MICALL2: variants seen among roughly 807,000 people sequenced by gnomAD.
MICALL2 encodes the protein MICAL-like protein 2.
MICALL2 carries 111 observed loss-of-function variants against 91.1 expected under a neutral mutation model. The ratio of observed to expected loss-of-function variants is 1.22; its 90% CI spans 1.04 to 1.43. The LOEUF is 1.43. Ranked by LOEUF, MICALL2 falls within the 40% of genes most tolerant of loss-of-function variation. MICALL2 has a pLI of 0.00. For synonymous variants in MICALL2, 694 were observed against 525.3 expected, an observed-to-expected ratio of 1.32 and a Z score of -4.39; for missense variants, 1,556 against 1,236.0, an observed-to-expected ratio of 1.26 and a Z score of -3.88.
rs114013190 is a variant in MICALL2, at chr7:1,435,581, C to T, written c.2592-434G>A. Reference sequence around the variant, plus strand: ...TGACCTGGGACAGAAGGGCCTCGGCCGACCCATGCCAAGGCCCCGTCACGC... The same window carrying T: ...TGACCTGGGACAGAAGGGCCTCGGCTGACCCATGCCAAGGCCCCGTCACGC... On this transcript the variant is annotated intron_variant, in intron 15 of 16. Transcript: ENST00000297508. Among the ~76,000 whole-genome samples the T allele has an allele frequency of 5.1e-3, 784 of 152,320 alleles. 5 individuals carry two copies. The highest frequency in any genetic ancestry group is 0.018 in the African/African-American group (746 of 41,560).
chr7:1,439,445 C>CA (rs1455433494), intron 9 of MICALL2: 8 of 180,608 alleles, frequency 4.4e-5, no homozygotes, highest in African/African-American at 2.2e-4. Flanking sequence ...CACATGGACA[C>CA]ACATGCATCG....
chr7:1,455,145 C>T (rs1562469947), intron 1 of MICALL2, among the ~76,000 whole-genome samples: 1 of 152,248 alleles, frequency 6.6e-6, no homozygotes, highest in Non-Finnish European at 1.5e-5. Context: ...CCTGCTCCCT[C>T]CCAGCCCAGA....
chr7:1,438,709 C>T (rs1320561285), intron 10 of MICALL2, 131 bp downstream of exon 10: 1 of 1,487,274 alleles, frequency 6.7e-7, no homozygotes, highest in African/African-American at 1.4e-5. Context: ...GGGGCTGGGT[C>T]CTTCCTCCAG....
rs768308868 is a variant in MICALL2, at chr7:1,434,653, G to A, written c.2658C>T (p.Ser886=). The part of the protein sequence containing the change: ...IEKLGLQRKK[S]KFRLSKIWSP... ...ACCAGATCTTGGACAAGCGGAACTT[G>A]GACTTCTTCCTCTGGAGGCCTAGGG... The change falls in exon 17 of 17, where the codon TCC becomes TCT. Residue 886 remains serine, a synonymous_variant. Transcript: ENST00000297508. 3.2e-6 allele frequency: 5 copies of A among 1,567,216 alleles called. No homozygotes were observed. The African/African-American group carries it at 5.5e-5, about 17-fold the overall frequency.
chr7:1,448,699 C>T lies in MICALL2; in HGVS notation c.255G>A (p.Val85=), dbSNP rs1002572153. The change falls in exon 3 of 17, where the codon GTG becomes GTA. Residue 85 remains valine (V), a synonymous_variant. Transcript: ENST00000297508. The part of the protein sequence containing the change: ...IPALLDAEDM[V]ALKVPDRLSI... ...TCAGCCGGTCAGGCACCTTCAAGGCCACCATGTCCTCGGCATCCAGCAAGG... is the reference window on the plus strand; with the variant it reads ...TCAGCCGGTCAGGCACCTTCAAGGCTACCATGTCCTCGGCATCCAGCAAGG... 6.2e-7 allele frequency: 1 copy of T among 1,612,820 alleles called. No individual in the cohort carries two copies. Among genetic ancestry groups the T allele is most frequent in the Non-Finnish European group, 8.5e-7 (1 of 1,179,950 alleles).
intron 6 of MICALL2, among the ~76,000 whole-genome samples, 195 bp downstream of exon 6, chr7:1,444,457 C>T (rs1438599851): frequency 4.4e-4 from 67 of 152,234 alleles, no homozygotes; most frequent in Non-Finnish European, 1.5e-5. Flanking sequence ...CCGGCTTCCA[C>T]CACCCTGACC....
At chr7:1,447,411 A>G (rs1295542547) in intron 4 of MICALL2, among the ~76,000 whole-genome samples, 164 bp downstream of exon 4, 1 of 152,092 alleles carries the variant, frequency 6.6e-6, no homozygotes, top group African/African-American at 2.4e-5. Flanking sequence ...AGCCCTGGAG[A>G]GCCCGGTCCT....
chr7:1,447,582 G>T lies in MICALL2; in HGVS notation c.518C>A (p.Pro173His), dbSNP rs770993287. Residue 173 changes from proline to histidine, a missense_variant, in exon 4 of 17, where the codon CCC (proline) becomes CAC (histidine). By Grantham distance (77) the Pro-to-His change is moderately conservative (BLOSUM62 -2). Coordinates refer to ENST00000297508, the MANE Select transcript of MICALL2 (RefSeq NM_182924.4). ...GGTGGGGTGGGAGCTTACAGTCTTG[G>T]GGGGCGGGCCCCCTGCACCCTCATT... Reference protein sequence around the residue: ...RRNEGAGGPPPKTDQALAGSL... With the variant: ...RRNEGAGGPPHKTDQALAGSL... 1.2e-5 allele frequency: 18 copies of T among 1,562,656 alleles called. No individual in the cohort carries two copies. The highest frequency in any genetic ancestry group is 2.4e-5 in the South Asian group (2 of 84,036).
At chr7:1,435,252 C>T in intron 15 of MICALL2, 105 bp from the exon 16 acceptor site, 1 of 1,177,350 alleles carries the variant, frequency 8.5e-7, no homozygotes, top group Non-Finnish European at 1.3e-6. Context: ...TGAGTCCCGC[C>T]TGGACCCATG....
At chr7:1,457,053 G>A (rs6963362) in intron 1 of MICALL2, among the ~76,000 whole-genome samples, 6,154 of 152,204 alleles carry the variant, frequency 0.04, 423 homozygotes, top group African/African-American at 0.14. Context: ...GGAGGTTCTC[G>A]GGGAGGGTCC....
rs369667601 is a variant in MICALL2, at chr7:1,442,152, C to A, written c.1711+40G>T. ...CGGCCAGGGGAGAGTCCCAGAGCTG[C>A]GGGCCCCCGGGGCCTCCTGCCTCCC... On this transcript the variant is annotated intron_variant, in intron 7 of 16. Transcript: ENST00000297508. 3.1e-6 allele frequency: 5 copies of A among 1,602,010 alleles called. No homozygotes were observed. The African/African-American group carries it at 6.7e-5, about 21-fold the overall frequency.
chr7:1,436,652 G>A, intron 15 of MICALL2, 90 bp downstream of exon 15: 1 of 938,876 alleles, frequency 1.1e-6, no homozygotes, highest in Non-Finnish European at 1.6e-6. Flanking sequence ...TGGTCAGAAA[G>A]TTCTACGGGG....
intron 16 of MICALL2, 141 bp downstream of exon 16, chr7:1,434,960 A>C: frequency 1.0e-6 from 1 of 961,980 alleles, no homozygotes; most frequent in Non-Finnish European, 1.6e-6. Context: ...CCTGTCACCA[A>C]GGCTGAGGGG....
rs1298818783 is a variant in MICALL2 at position 1,435,802 on chromosome 7, C to A, written c.2592-655G>T. ...GGGCACGGTGGCTCACACCTGTAATCCCAGCACTTTGGGAGGCTGAGGCGG... is the reference window on the plus strand; with the variant it reads ...GGGCACGGTGGCTCACACCTGTAATACCAGCACTTTGGGAGGCTGAGGCGG... On this transcript the variant is annotated intron_variant, in intron 15 of 16. Transcript: ENST00000297508. 2.6e-5 allele frequency among the ~76,000 whole-genome samples: 4 copies of A among 152,310 alleles called. No individual in the cohort carries two copies. In the East Asian group the frequency reaches 7.7e-4, roughly 29 times the overall value.
intron 6 of MICALL2, among the ~76,000 whole-genome samples, chr7:1,443,546 G>A (rs977498035): frequency 1.3e-5 from 2 of 152,176 alleles, no homozygotes; most frequent in African/African-American, 2.4e-5. Context: ...AAACCATCTT[G>A]GCAGTTATGA....
Position 1,436,733 on chromosome 7 carries a change from GC to G in MICALL2, c.2591+8del. The G allele has an allele frequency of 1.3e-6, 2 of 1,596,670 alleles. No homozygotes were observed. On this transcript the variant is annotated splice_region_variant and intron_variant, in intron 15 of 16. Transcript: ENST00000297508. ...TGGCTGGGAGGGGCCCCCGGCACCT[GC>G]CCCTCACCGGAGCCGGTCCTCGTCC...
intron 2 of MICALL2, among the ~76,000 whole-genome samples, chr7:1,449,322 T>A (rs1022684429): frequency 6.6e-6 from 1 of 152,170 alleles, no homozygotes; most frequent in Non-Finnish European, 1.5e-5. Flanking sequence ...TTTTTATTTA[T>A]TATTATGTTT....
chr7:1,439,705 T>C (rs1562450931), intron 9 of MICALL2: 2 of 434,872 alleles, frequency 4.6e-6, no homozygotes, highest in Admixed American at 4.3e-5. Context: ...GCATCACGCA[T>C]GGATACAGGC....
chr7:1,456,276 G>A (rs961827952), intron 1 of MICALL2, among the ~76,000 whole-genome samples: 3 of 152,006 alleles, frequency 2.0e-5, no homozygotes, highest in African/African-American at 7.3e-5. Flanking sequence ...GAAACAATAT[G>A]CTGAGTGAAA....
Sources: gnomAD v4.1 joint callset for allele counts (sites outside exome capture counted in the v4.1 genomes callset) on GRCh38, gnomAD v4.1.1 for gene constraint, MANE v1.5 for transcripts, NCBI Gene and HGNC (gene_info 2026-07-23, HGNC 2026-07-21) for gene names.